Variants in GPC6 observed in about 807,000 individuals in gnomAD.
GPC6 encodes glypican-6.
GPC6 carries 14 observed loss-of-function variants against 55.2 expected under a neutral mutation model. The ratio of observed to expected loss-of-function variants is 0.25; its 90% CI spans 0.17 to 0.40. The LOEUF (loss-of-function observed/expected upper bound fraction) is 0.40, where lower values mean the gene tolerates loss of function less well. GPC6 is among the 10% of genes least tolerant of loss of function. GPC6 has a pLI of 1.00. For missense variants in GPC6, 641 were observed against 708.5 expected, an observed-to-expected ratio of 0.90 and a Z score of 1.08; for synonymous variants, 278 against 259.6, an observed-to-expected ratio of 1.07 and a Z score of -0.68.
At chr13:93,910,552 A>C (rs985648366) in intron 3 of GPC6, among the ~76,000 whole-genome samples, 1 of 152,056 alleles carries the variant, frequency 6.6e-6, no homozygotes, top group African/African-American at 2.4e-5. Flanking sequence ...ACCTCTAGGG[A>C]AATCACTTGG....
chr13:94,299,236 A>G (rs1875510490), intron 5 of GPC6, among the ~76,000 whole-genome samples: 1 of 152,192 alleles, frequency 6.6e-6, no homozygotes, highest in African/African-American at 2.4e-5. Flanking sequence ...TACTTACTTA[A>G]AATAAGGCAC....
At chr13:94,291,613 T>G (rs1874983378) in intron 5 of GPC6, among the ~76,000 whole-genome samples, 1 of 152,182 alleles carries the variant, frequency 6.6e-6, no homozygotes, top group South Asian at 2.1e-4. Flanking sequence ...ATTTTCCATA[T>G]AAGCCACATC....
At chr13:93,591,238 C>T (rs978842678) in intron 2 of GPC6, among the ~76,000 whole-genome samples, 36 of 150,244 alleles carry the variant, frequency 2.4e-4, no homozygotes, top group Admixed American at 4.6e-4. Context: ...CCGAGGTGGG[C>T]GGATCATGAG....
chr13:93,982,322 A>T (rs1880841041), intron 3 of GPC6, among the ~76,000 whole-genome samples: 1 of 149,372 alleles, frequency 6.7e-6, no homozygotes, highest in South Asian at 2.1e-4. Context: ...ACAAAAAGAC[A>T]TAAGCAATCC....
chr13:93,339,636 G>C (rs1436309639), intron 1 of GPC6, among the ~76,000 whole-genome samples: 1 of 152,212 alleles, frequency 6.6e-6, no homozygotes, highest in Non-Finnish European at 1.5e-5. Context: ...GTGCATGTAA[G>C]ATTGGTCAGT....
intron 3 of GPC6, among the ~76,000 whole-genome samples, chr13:93,895,234 GTA>G (rs60375718): frequency 0.062 from 6,646 of 107,710 alleles, 611 homozygotes; most frequent in East Asian, 0.19. Context: ...GTGTGTGTGT[GTA>G]TATATATATA....
rs1206346341 is a variant in GPC6 at position 93,904,287 on chromosome 13, C to G, written c.711+73742C>G. On this transcript the variant is annotated intron_variant, in intron 3 of 8. Transcript: ENST00000377047. ...AGTAGAACTGTAGACAAAAACAAGC[C>G]TTACAAATCGCAACTGCAGCTGCAA... Among the ~76,000 whole-genome samples the G allele has an allele frequency of 2.6e-5, 4 of 152,094 alleles. No homozygotes were observed. The East Asian group carries it at 7.7e-4, about 29-fold the overall frequency.
chr13:93,542,338 A>G (rs940651782), intron 1 of GPC6, among the ~76,000 whole-genome samples: 1 of 152,102 alleles, frequency 6.6e-6, no homozygotes, highest in Non-Finnish European at 1.5e-5. Context: ...AGTTGTAGAT[A>G]TGCGGCATTA....
intron 1 of GPC6, among the ~76,000 whole-genome samples, chr13:93,228,263 A>G (rs1875882203): frequency 6.6e-6 from 1 of 152,060 alleles, no homozygotes; most frequent in Non-Finnish European, 1.5e-5. Context: ...CCTGTTTCAG[A>G]TGTGGGGCGG....
At chr13:94,127,048 T>C (rs1197015192) in intron 4 of GPC6, among the ~76,000 whole-genome samples, 2 of 152,116 alleles carry the variant, frequency 1.3e-5, no homozygotes, top group Non-Finnish European at 2.9e-5. Context: ...TTCAATATGG[T>C]AACTTTTTTT....
chr13:93,472,053 T>C (rs955980945), intron 1 of GPC6, among the ~76,000 whole-genome samples: 2 of 152,242 alleles, frequency 1.3e-5, no homozygotes, highest in African/African-American at 4.8e-5. Context: ...GATTTAGTTC[T>C]GATTTTTGTG....
At chr13:93,976,165 T>C (rs1312897834) in intron 3 of GPC6, among the ~76,000 whole-genome samples, 1 of 152,160 alleles carries the variant, frequency 6.6e-6, no homozygotes, top group African/African-American at 2.4e-5. Context: ...ATATATTCTT[T>C]CTATGTCTCC....
chr13:93,322,263 C>T (rs1418300394), intron 1 of GPC6, among the ~76,000 whole-genome samples: 1 of 152,064 alleles, frequency 6.6e-6, no homozygotes, highest in African/African-American at 2.4e-5. Flanking sequence ...AAGCCTAGTA[C>T]CCATTAGTTA....
At chr13:93,972,411 T>C (rs1270463999) in intron 3 of GPC6, among the ~76,000 whole-genome samples, 1 of 152,166 alleles carries the variant, frequency 6.6e-6, no homozygotes, top group Non-Finnish European at 1.5e-5. Flanking sequence ...TAGAGATCTT[T>C]ATAAATAGAA....
At chr13:93,547,272 G>A (rs1200812312) in intron 2 of GPC6, among the ~76,000 whole-genome samples, 1 of 152,170 alleles carries the variant, frequency 6.6e-6, no homozygotes, top group Non-Finnish European at 1.5e-5. Context: ...CTTGAACCTG[G>A]GAGGTGGAGG....
intron 1 of GPC6, among the ~76,000 whole-genome samples, chr13:93,307,976 A>T (rs1344161515): frequency 6.6e-6 from 1 of 152,172 alleles, no homozygotes; most frequent in Non-Finnish European, 1.5e-5. Flanking sequence ...GGTCAATTGA[A>T]AAATGGTGGC....
rs1193498925 is a variant in GPC6 at position 94,405,904 on chromosome 13, T to C, written c.*2687T>C. ...GACTAATTTAACATGAGAAATGTTTTGGCCCTAAAGGATTTCACTTAACCT... is the reference window on the plus strand; with the variant it reads ...GACTAATTTAACATGAGAAATGTTTCGGCCCTAAAGGATTTCACTTAACCT... On this transcript the variant is annotated 3_prime_UTR_variant, in exon 9 of 9. Coordinates refer to ENST00000377047, the MANE Select transcript of GPC6 (RefSeq NM_005708.5). 2 of 152,206 alleles carry C rather than the reference T, an allele frequency of 1.3e-5. No homozygotes were observed. The highest frequency in any genetic ancestry group is 4.8e-5 in the African/African-American group (2 of 41,462). The allele number at this position is 152,206 out of a possible 1,614,324, so 9.4% of individuals were successfully genotyped here.
chr13:93,691,463 T>G (rs1048073787), intron 2 of GPC6, among the ~76,000 whole-genome samples: 2 of 125,624 alleles, frequency 1.6e-5, no homozygotes, highest in African/African-American at 5.3e-5. Context: ...TTCTGTAGGA[T>G]TAAAGGCTTG....
intron 6 of GPC6, 114 bp downstream of exon 6, chr13:94,306,237 A>G (rs1477545045): frequency 2.4e-5 from 24 of 1,000,556 alleles, no homozygotes; most frequent in Non-Finnish European, 3.6e-5. Context: ...TCATGCTTAT[A>G]TCTGCCTCTG....
Sources: gnomAD v4.1 joint callset for allele counts (sites outside exome capture counted in the v4.1 genomes callset) on GRCh38, gnomAD v4.1.1 for gene constraint, MANE v1.5 for transcripts, NCBI Gene and HGNC (gene_info 2026-07-23, HGNC 2026-07-21) for gene names.